RABGAP1L: variants seen among roughly 807,000 people sequenced by gnomAD.
RABGAP1L encodes RAB GTPase activating protein 1 like.
Under a neutral mutation model 137.7 loss-of-function variants are expected in RABGAP1L, and 63 were observed. The ratio of observed to expected loss-of-function variants is 0.46; its 90% CI spans 0.37 to 0.56. The LOEUF is 0.56. Among genes scored for constraint, RABGAP1L ranks in the 20% least tolerant of loss-of-function variants. RABGAP1L has a pLI of 0.00. For synonymous variants in RABGAP1L, 431 were observed against 433.7 expected (o/e 0.99, Z 0.08); for missense variants, 1,095 against 1,244.0 (o/e 0.88, Z 1.80).
intron 10 of RABGAP1L, among the ~76,000 whole-genome samples, chr1:174,279,451 T>C (rs1349772761): frequency 6.6e-6 from 1 of 152,178 alleles, no homozygotes; most frequent in African/African-American, 2.4e-5. Flanking sequence ...GCTGTTTTTG[T>C]TAGTACTTTC....
chr1:174,821,214 A>C (rs1690989826), intron 19 of RABGAP1L, among the ~76,000 whole-genome samples: 1 of 152,186 alleles, frequency 6.6e-6, no homozygotes, highest in Admixed American at 6.5e-5. Flanking sequence ...GGAGGAATAG[A>C]CAAAGATGGC....
At chr1:174,510,307 A>C (rs775677082) in intron 13 of RABGAP1L, among the ~76,000 whole-genome samples, 1 of 152,078 alleles carries the variant, frequency 6.6e-6, no homozygotes, top group African/African-American at 2.4e-5. Context: ...ATTTTCTTTT[A>C]ATCTGTTTTG....
intron 13 of RABGAP1L, among the ~76,000 whole-genome samples, chr1:174,423,240 C>T (rs181388891): frequency 2.0e-5 from 3 of 152,164 alleles, no homozygotes; most frequent in Admixed American, 6.5e-5. Context: ...TAATATTGCA[C>T]TATCTTTTGT....
intron 17 of RABGAP1L, among the ~76,000 whole-genome samples, chr1:174,719,086 G>A (rs1427619517): frequency 1.3e-5 from 2 of 151,982 alleles, no homozygotes; most frequent in African/African-American, 4.8e-5. Context: ...TTATCCTCCC[G>A]CCTCAGCTTC....
chr1:174,604,921 A>G (rs1463993288), intron 13 of RABGAP1L, among the ~76,000 whole-genome samples: 3 of 152,166 alleles, frequency 2.0e-5, no homozygotes, highest in Non-Finnish European at 2.9e-5. Flanking sequence ...AGGCAGGCAT[A>G]TCACTTGAGG....
At chr1:174,810,275 A>C (rs757808254) in intron 18 of RABGAP1L, among the ~76,000 whole-genome samples, 8 of 152,312 alleles carry the variant, frequency 5.3e-5, no homozygotes, top group South Asian at 4.1e-4. Flanking sequence ...AAAGAGGGGA[A>C]GAAGGGGAGC....
chr1:174,767,827 C>T (rs1057235420), intron 18 of RABGAP1L, among the ~76,000 whole-genome samples: 1 of 152,158 alleles, frequency 6.6e-6, no homozygotes, highest in Admixed American at 6.5e-5. Context: ...ATTGGACTTA[C>T]AGTTCCATGT....
chr1:174,655,477 T>A (rs61826949), intron 14 of RABGAP1L, among the ~76,000 whole-genome samples: 13,629 of 152,226 alleles, frequency 0.09, 830 homozygotes, highest in East Asian at 0.22. Context: ...GAAAGAATAA[T>A]CTGTTCTTAT....
At chr1:174,392,725 T>C (rs1456826421) in intron 12 of RABGAP1L, among the ~76,000 whole-genome samples, 1 of 152,152 alleles carries the variant, frequency 6.6e-6, no homozygotes, top group Non-Finnish European at 1.5e-5. Flanking sequence ...GGGTTTGAGC[T>C]AGAGGTAGAA....
At position 174,969,327 on chromosome 1, in the gene RABGAP1L, T is replaced by C. The variant is rs1210537284; in HGVS notation, c.2484T>C (p.Asn828=). ...CCAGCATGAGGTTGGAACAAGAGAA[T>C]GATGACCTTGCCCATGAACTAGTAA... is the stretch of plus-strand genomic sequence containing the variant. ...QEASMRLEQE[N]DDLAHELVTS... The change falls in exon 21 of 26, where the codon AAT becomes AAC. Residue 828 remains asparagine (N), a synonymous_variant. Coordinates refer to ENST00000681986, the MANE Select transcript of RABGAP1L (RefSeq NM_001366446.1). The C allele has an allele frequency of 2.6e-6, 4 of 1,550,672 alleles. No homozygotes were observed. In the Admixed American group the frequency reaches 5.9e-5, roughly 23 times the overall value.
At chr1:174,163,852 C>G (rs1467521127) in intron 1 of RABGAP1L, among the ~76,000 whole-genome samples, 1 of 151,852 alleles carries the variant, frequency 6.6e-6, no homozygotes, top group Non-Finnish European at 1.5e-5. Flanking sequence ...GTTGCCTGTT[C>G]TAAATTCAGC....
At chr1:174,888,067 A>G (rs1262617685) in intron 19 of RABGAP1L, among the ~76,000 whole-genome samples, 1 of 152,154 alleles carries the variant, frequency 6.6e-6, no homozygotes, top group African/African-American at 2.4e-5. Flanking sequence ...TTACAAAAAT[A>G]GACAGAAATC....
intron 19 of RABGAP1L, among the ~76,000 whole-genome samples, chr1:174,883,491 G>A (rs1449749234): frequency 2.6e-5 from 4 of 152,130 alleles, no homozygotes. Context: ...GCTTGATTAG[G>A]GAATCACTAT....
intron 13 of RABGAP1L, among the ~76,000 whole-genome samples, chr1:174,574,487 A>T (rs1668218037): frequency 6.6e-6 from 1 of 152,180 alleles, no homozygotes; most frequent in South Asian, 2.1e-4. Context: ...GATGAAACAG[A>T]TAGAAATTTG....
chr1:174,542,953 G>A (rs1665610500), intron 13 of RABGAP1L, among the ~76,000 whole-genome samples: 1 of 152,182 alleles, frequency 6.6e-6, no homozygotes, highest in African/African-American at 2.4e-5. Flanking sequence ...ACTGTGGTCT[G>A]GGAGACAGTT....
intron 19 of RABGAP1L, among the ~76,000 whole-genome samples, chr1:174,921,021 C>G (rs1467148968): frequency 6.6e-6 from 1 of 152,188 alleles, no homozygotes; most frequent in Admixed American, 6.5e-5. Context: ...CTCCCGGGTT[C>G]AAGCAATTCT....
chr1:174,644,384 G>C (rs1674782650), intron 14 of RABGAP1L, among the ~76,000 whole-genome samples: 1 of 152,038 alleles, frequency 6.6e-6, no homozygotes, highest in Non-Finnish European at 1.5e-5. Context: ...CTAGGATACA[G>C]AAGAGAAAGG....
chr1:174,674,667 A>T (rs1427889698), intron 14 of RABGAP1L, among the ~76,000 whole-genome samples: 2 of 150,734 alleles, frequency 1.3e-5, no homozygotes, highest in African/African-American at 4.9e-5. Flanking sequence ...CGCCACACTG[A>T]CTTCCACAAT....
At chr1:174,665,707 C>G (rs186685260) in intron 14 of RABGAP1L, among the ~76,000 whole-genome samples, 1 of 152,178 alleles carries the variant, frequency 6.6e-6, no homozygotes, top group Non-Finnish European at 1.5e-5. Context: ...TCAGGTGATC[C>G]GCCTGCCTTG....
Sources: allele counts gnomAD v4.1 joint callset (sites outside exome capture counted in the v4.1 genomes callset), GRCh38; gene constraint gnomAD v4.1.1; transcripts MANE v1.5; gene names NCBI Gene and HGNC (gene_info 2026-07-23, HGNC 2026-07-21).